Variants in ZNF469 observed in about 807,000 individuals in gnomAD.
The protein encoded by ZNF469 is zinc finger protein 469.
ZNF469 carries 1 observed loss-of-function variant against 1.0 expected under a neutral mutation model. The ratio of observed to expected loss-of-function variants is 1.00; its 90% CI spans 0.35 to 4.73. The LOEUF (loss-of-function observed/expected upper bound fraction) is 4.73. Among genes scored for constraint, ZNF469 ranks in the 30% most tolerant of loss-of-function variants. ZNF469 has a pLI of 0.16. For synonymous variants in ZNF469, 2,703 were observed against 2,363.4 expected (o/e 1.14, Z -4.17); for missense variants, 6,100 against 5,356.3 (o/e 1.14, Z -4.33).
the ZNF469 span, among the ~76,000 whole-genome samples, chr16:88,135,127 G>A: frequency 1.8e-4 from 27 of 152,342 alleles, 1 homozygote; most frequent in South Asian, 2.1e-3. Context: ...CCCTGCTGGC[G>A]TCTGGAACAG....
At chr16:88,412,294 C>T (rs1425649569) in intron 1 of ZNF469, among the ~76,000 whole-genome samples, 4 of 152,368 alleles carry the variant, frequency 2.6e-5, no homozygotes, top group Non-Finnish European at 4.4e-5. Context: ...ACCCAGTGCC[C>T]ACCTTCCCAG....
chr16:88,363,171 A>C, the ZNF469 span, among the ~76,000 whole-genome samples: 1 of 152,140 alleles, frequency 6.6e-6, no homozygotes, highest in Non-Finnish European at 1.5e-5. Flanking sequence ...ATCTTTGTTG[A>C]TTCTAGCCCC....
chr16:88,239,428 G>C, the ZNF469 span, among the ~76,000 whole-genome samples: 5 of 150,922 alleles, frequency 3.3e-5, no homozygotes, highest in Non-Finnish European at 7.4e-5. Context: ...TTTGCTTCAG[G>C]TGAGACTTGG....
At chr16:88,187,401 A>G in the ZNF469 span, among the ~76,000 whole-genome samples, 1 of 152,156 alleles carries the variant, frequency 6.6e-6, no homozygotes, top group Non-Finnish European at 1.5e-5. Context: ...TGCAGATGAA[A>G]TTGCATACAG....
At chr16:88,366,547 A>G in the ZNF469 span, among the ~76,000 whole-genome samples, 6 of 46,104 alleles carry the variant, frequency 1.3e-4, no homozygotes, top group Admixed American at 2.6e-4. Flanking sequence ...CACCACCACC[A>G]TCATCACCAT....
At chr16:88,240,904 G>A in the ZNF469 span, among the ~76,000 whole-genome samples, 1 of 152,136 alleles carries the variant, frequency 6.6e-6, no homozygotes, top group African/African-American at 2.4e-5. Flanking sequence ...TCTCAGTGGG[G>A]GTAAGAGACA....
rs1463708201 is a variant in ZNF469 at position 88,435,060 on chromosome 16, C to T, written c.7590C>T (p.Ser2530=). The T allele has an allele frequency of 6.5e-7, 1 of 1,550,384 alleles. No individual in the cohort carries two copies. The highest frequency in any genetic ancestry group is 2.4e-5 in the East Asian group (1 of 40,914). ...AGTGCCAGCCGCCCAGGAAGAAAAG[C>T]CACAGGGTGTCTGGGAAGGAGAGAC... is the stretch of plus-strand genomic sequence containing the variant. ...AQKCQPPRKK[S]HRVSGKERPN... The change falls in exon 3 of 3, where the codon AGC becomes AGT. Residue 2530 remains serine (S), a synonymous_variant. Coordinates refer to ENST00000565624, the MANE Select transcript of ZNF469 (RefSeq NM_001367624.2).
At chr16:88,104,132 T>C in the ZNF469 span, among the ~76,000 whole-genome samples, 588 of 151,004 alleles carry the variant, frequency 3.9e-3, 2 homozygotes, top group African/African-American at 0.014. Context: ...GGCTGAAAAA[T>C]TGGGACATCA....
At chr16:88,104,221 A>T in the ZNF469 span, among the ~76,000 whole-genome samples, 1 of 147,012 alleles carries the variant, frequency 6.8e-6, no homozygotes, top group African/African-American at 2.5e-5. Context: ...TCCGATGGGG[A>T]CGTCATCTGC....
At chr16:88,117,573 C>CGGATCGTGGAGGTGCCACGTGCCTTCGG in the ZNF469 span, among the ~76,000 whole-genome samples, 1 of 22,200 alleles carries the variant, frequency 4.5e-5, no homozygotes, top group South Asian at 1.4e-3. Context: ...CGTGCCTTCA[C>CGGATCGTGGAGGTGCCACGTGCCTTCGG]GGACCGTGGA....
chr16:88,379,916 G>A (rs991399110), upstream of ZNF469, among the ~76,000 whole-genome samples: 2 of 152,198 alleles, frequency 1.3e-5, no homozygotes, highest in South Asian at 4.1e-4. Context: ...TGGGTACAGG[G>A]TCATCCCCTG....
the ZNF469 span, among the ~76,000 whole-genome samples, chr16:88,234,242 T>C: frequency 6.6e-6 from 1 of 152,212 alleles, no homozygotes; most frequent in African/African-American, 2.4e-5. Context: ...AAGCTTAGCA[T>C]GCAGGCACGT....
chr16:88,104,979 G>T, the ZNF469 span, among the ~76,000 whole-genome samples: 2 of 152,200 alleles, frequency 1.3e-5, no homozygotes, highest in Admixed American at 1.3e-4. Context: ...ACTTTGAGAG[G>T]CTGAGGCAGG....
At chr16:88,213,467 G>A in the ZNF469 span, among the ~76,000 whole-genome samples, 1 of 152,158 alleles carries the variant, frequency 6.6e-6, no homozygotes, top group East Asian at 1.9e-4. Context: ...TAATGGACAG[G>A]GTTGGCAAGT....
the ZNF469 span, among the ~76,000 whole-genome samples, chr16:88,186,421 G>C: frequency 2.0e-5 from 3 of 152,278 alleles, no homozygotes; most frequent in South Asian, 2.1e-4. Context: ...CAGGCCGACC[G>C]GGGAGGCTGC....
the ZNF469 span, among the ~76,000 whole-genome samples, chr16:88,140,657 C>T: frequency 0.072 from 10,999 of 152,204 alleles, 1,323 homozygotes; most frequent in African/African-American, 0.25. Context: ...TGAGGCCAGG[C>T]GCAGTGGCTC....
chr16:88,291,648 C>A, the ZNF469 span, among the ~76,000 whole-genome samples: 3 of 152,098 alleles, frequency 2.0e-5, no homozygotes, highest in African/African-American at 7.2e-5. Flanking sequence ...ACACCCCATG[C>A]AGACGCCCCC....
the ZNF469 span, among the ~76,000 whole-genome samples, chr16:88,229,601 ACG>A: frequency 4.1e-4 from 26 of 64,132 alleles, no homozygotes; most frequent in South Asian, 4.2e-3. Context: ...TGTGGATGTC[ACG>A]CGTGTGTGCT....
At chr16:88,400,892 A>G (rs1296169119) in intron 1 of ZNF469, among the ~76,000 whole-genome samples, 1 of 151,384 alleles carries the variant, frequency 6.6e-6, no homozygotes, top group Non-Finnish European at 1.5e-5. Flanking sequence ...GCAGAGGGCC[A>G]GGGGGTGGCG....
Sources: allele counts gnomAD v4.1 joint callset (sites outside exome capture counted in the v4.1 genomes callset), GRCh38; gene constraint gnomAD v4.1.1; transcripts MANE v1.5; gene names NCBI Gene and HGNC (gene_info 2026-07-23, HGNC 2026-07-21).